RABGAP1L: variants seen among roughly 807,000 people sequenced by gnomAD.
RABGAP1L encodes RAB GTPase activating protein 1 like, also known as rab GTPase-activating protein 1-like.
Under a neutral mutation model 137.7 loss-of-function variants are expected in RABGAP1L, and 63 were observed. The observed-to-expected ratio is 0.46, with a 90% CI of 0.37 to 0.56. The LOEUF (loss-of-function observed/expected upper bound fraction) is 0.56, where lower values mean the gene tolerates loss of function less well. Among genes scored for constraint, RABGAP1L ranks in the 20% least tolerant of loss-of-function variants. The pLI, the probability that RABGAP1L is intolerant of heterozygous loss-of-function variation, is 0.00. For missense variants in RABGAP1L, 1,095 were observed against 1,244.0 expected (o/e 0.88, Z 1.80); for synonymous variants, 431 against 433.7 (o/e 0.99, Z 0.08).
chr1:174,230,804 T>A (rs1670581248), intron 3 of RABGAP1L, among the ~76,000 whole-genome samples: 3 of 152,208 alleles, frequency 2.0e-5, no homozygotes. Context: ...GAGGTTCTGT[T>A]GTTCTTTTAC....
chr1:174,543,815 G>C (rs1033437944), intron 13 of RABGAP1L, among the ~76,000 whole-genome samples: 2 of 152,102 alleles, frequency 1.3e-5, no homozygotes, highest in African/African-American at 4.8e-5. Context: ...CTCAGCATTT[G>C]CTTGTCTGTA....
At chr1:174,500,393 T>G (rs1039833333) in intron 13 of RABGAP1L, among the ~76,000 whole-genome samples, 1 of 152,128 alleles carries the variant, frequency 6.6e-6, no homozygotes, top group Non-Finnish European at 1.5e-5. Context: ...GGGTTTCTTA[T>G]AAGTGGAACG....
At chr1:174,363,178 A>G (rs1015313471) in intron 11 of RABGAP1L, among the ~76,000 whole-genome samples, 3 of 152,178 alleles carry the variant, frequency 2.0e-5, no homozygotes, top group Non-Finnish European at 4.4e-5. Context: ...TGTCTTGGTT[A>G]CCATAGCCCT....
chr1:174,806,312 G>A (rs755639794), intron 18 of RABGAP1L, among the ~76,000 whole-genome samples: 5 of 152,168 alleles, frequency 3.3e-5, no homozygotes, highest in Admixed American at 1.3e-4. Flanking sequence ...TTAATAATTA[G>A]TATGTGTGCA....
chr1:174,440,000 G>A (rs1396504173), intron 13 of RABGAP1L, among the ~76,000 whole-genome samples: 1 of 152,210 alleles, frequency 6.6e-6, no homozygotes, highest in Non-Finnish European at 1.5e-5. Flanking sequence ...CCCAGAGGAA[G>A]TGGTGTTAAA....
chr1:174,681,404 A>G (rs1052152508), intron 14 of RABGAP1L, among the ~76,000 whole-genome samples: 6 of 152,276 alleles, frequency 3.9e-5, no homozygotes, highest in African/African-American at 1.4e-4. Flanking sequence ...ACAACATGAA[A>G]GAATCTCAGG....
chr1:174,300,929 A>G (rs1468162887), intron 10 of RABGAP1L, among the ~76,000 whole-genome samples: 1 of 152,204 alleles, frequency 6.6e-6, no homozygotes, highest in Non-Finnish European at 1.5e-5. Flanking sequence ...AACTCACCAT[A>G]GTGACACAGG....
At chr1:174,530,226 G>T (rs1450936216) in intron 13 of RABGAP1L, among the ~76,000 whole-genome samples, 1 of 151,990 alleles carries the variant, frequency 6.6e-6, no homozygotes, top group East Asian at 2.0e-4. Flanking sequence ...AGTGGTGCTT[G>T]TGCCTCAGTC....
chr1:174,686,648 C>CTTTTTTTTTTT lies in RABGAP1L; in HGVS notation c.1899+3069_1899+3079dup, dbSNP rs533716511. On this transcript the variant is annotated intron_variant, in intron 15 of 25. Coordinates refer to ENST00000681986, the MANE Select transcript of RABGAP1L (RefSeq NM_001366446.1). ...GAAGCTTTGGTTTGAACAAAGCAAT[C>CTTTTTTTTTTT]TTTTTTTTTTTTTTTTTTTTTTTTT... is the stretch of plus-strand genomic sequence containing the variant. Among the ~76,000 whole-genome samples, 5 of 105,770 alleles carry CTTTTTTTTTTT rather than the reference C, an allele frequency of 4.7e-5. 2 individuals carry two copies. Among genetic ancestry groups the CTTTTTTTTTTT allele is most frequent in the African/African-American group, 5.7e-5 (2 of 35,242 alleles). The allele number at this position is 105,770 out of a possible 152,430, so 69.4% of individuals were successfully genotyped here. A position where few individuals can be genotyped will look rare whatever the true frequency, so the allele number is the denominator to read the frequency against.
chr1:174,218,720 A>G (rs1317262301), intron 1 of RABGAP1L, among the ~76,000 whole-genome samples: 2 of 152,084 alleles, frequency 1.3e-5, no homozygotes, highest in East Asian at 1.9e-4. Flanking sequence ...TAATTAATAT[A>G]GCAGTGTCAG....
In RABGAP1L at chr1:174,197,628, G is replaced by A. The variant is rs183651741; in HGVS notation, c.-33-21497G>A. ...TGCCTGGACAACATGGTGAAACCCT[G>A]TCTGTACTAAAAATACAAAAATTAG... On this transcript the variant is annotated intron_variant, in intron 1 of 25. Transcript: ENST00000681986. Among the ~76,000 whole-genome samples the A allele has an allele frequency of 2.6e-5, 4 of 152,154 alleles. No individual in the cohort carries two copies. In the East Asian group the frequency reaches 7.7e-4, roughly 29 times the overall value.
chr1:174,247,014 T>G (rs942547746), intron 5 of RABGAP1L, among the ~76,000 whole-genome samples: 20 of 152,358 alleles, frequency 1.3e-4, no homozygotes, highest in East Asian at 5.8e-4. Flanking sequence ...AAAAGAGAGA[T>G]AGATGGAATC....
intron 10 of RABGAP1L, among the ~76,000 whole-genome samples, chr1:174,303,374 C>G (rs1677906402): frequency 6.6e-6 from 1 of 152,054 alleles, no homozygotes; most frequent in African/African-American, 2.4e-5. Flanking sequence ...TCATTTATAG[C>G]CACTGTTGAG....
intron 19 of RABGAP1L, among the ~76,000 whole-genome samples, chr1:174,895,753 C>G (rs1369180932): frequency 6.6e-6 from 1 of 152,142 alleles, no homozygotes; most frequent in Non-Finnish European, 1.5e-5. Flanking sequence ...TCATCCATGT[C>G]CCTATAAAGG....
At chr1:174,589,835 A>G (rs1669423714) in intron 13 of RABGAP1L, among the ~76,000 whole-genome samples, 2 of 152,260 alleles carry the variant, frequency 1.3e-5, no homozygotes, top group East Asian at 1.9e-4. Flanking sequence ...TTTTTATGCC[A>G]GTCCCGTGCT....
intron 1 of RABGAP1L, among the ~76,000 whole-genome samples, chr1:174,164,857 A>G (rs1368525457): frequency 1.3e-5 from 2 of 152,216 alleles, no homozygotes; most frequent in South Asian, 2.1e-4. Flanking sequence ...TTTGTAAGTG[A>G]AGGAACATAC....
intron 7 of RABGAP1L, among the ~76,000 whole-genome samples, chr1:174,266,442 C>T (rs558988769): frequency 6.6e-6 from 1 of 152,066 alleles, no homozygotes; most frequent in South Asian, 2.1e-4. Context: ...TTCTTTAGAA[C>T]CTATGTGTGT....
intron 14 of RABGAP1L, among the ~76,000 whole-genome samples, chr1:174,659,869 A>G (rs770721593): frequency 5.3e-5 from 8 of 152,200 alleles, no homozygotes; most frequent in Non-Finnish European, 7.3e-5. Flanking sequence ...TTCAGTCTAC[A>G]AACATTGAAT....
intron 17 of RABGAP1L, among the ~76,000 whole-genome samples, chr1:174,716,475 T>C (rs1366006422): frequency 6.6e-6 from 1 of 152,184 alleles, no homozygotes; most frequent in African/African-American, 2.4e-5. Context: ...AAGAGTAGTT[T>C]AACCTTTTTC....
Sources: gnomAD v4.1 joint callset for allele counts (sites outside exome capture counted in the v4.1 genomes callset) on GRCh38, gnomAD v4.1.1 for gene constraint, MANE v1.5 for transcripts, NCBI Gene and HGNC (gene_info 2026-07-23, HGNC 2026-07-21) for gene names.